Variants in PAOX observed in about 807,000 individuals in gnomAD.
PAOX encodes the protein polyamine oxidase.
PAOX carries 38 observed loss-of-function variants against 39.0 expected under a neutral mutation model. The observed-to-expected ratio is 0.97, with a 90% CI of 0.75 to 1.28. The LOEUF (loss-of-function observed/expected upper bound fraction) is 1.28. Among genes scored for constraint, PAOX ranks in the 50% most tolerant of loss-of-function variants. The pLI is 0.00. For missense variants in PAOX, 667 were observed against 685.7 expected (o/e 0.97, Z 0.30); for synonymous variants, 311 against 314.4 (o/e 0.99, Z 0.11).
intron 6 of PAOX, among the ~76,000 whole-genome samples, chr10:133,390,410 C>CCACACACACACACA (rs59249557): frequency 4.1e-5 from 6 of 145,330 alleles, no homozygotes; most frequent in African/African-American, 1.5e-4. Flanking sequence ...GAGTCGGTCT[C>CCACACACACACACA]CACACACACA....
Position 133,380,223 on chromosome 10 carries a change from G to T in PAOX, c.406G>T (p.Gly136Cys), listed in dbSNP as rs775971773. Residue 136 changes from glycine (G) to cysteine (C), a missense_variant, in exon 2 of 7, where the codon GGC becomes TGC. Transcript: ENST00000278060. The stretch of plus-strand genomic sequence containing the variant: ...GGCGGAGATGGCGACTCTGTTCTAC[G>T]GCCTGATAGACCAGACCCGGGAGTT... The part of the protein sequence containing the change: ...LVAEMATLFY[G>C]LIDQTREFLH... 6.2e-7 allele frequency: 1 copy of T among 1,612,862 alleles called. No individual in the cohort carries two copies. Among genetic ancestry groups the T allele is most frequent in the South Asian group, 1.1e-5 (1 of 91,082 alleles).
chr10:133,387,763 C>G (rs1849565546), intron 4 of PAOX, among the ~76,000 whole-genome samples: 1 of 152,224 alleles, frequency 6.6e-6, no homozygotes, highest in Non-Finnish European at 1.5e-5. Flanking sequence ...CTCTGTCGCC[C>G]AGGCTGGAGA....
chr10:133,383,547 G>A (rs11101729), intron 3 of PAOX, among the ~76,000 whole-genome samples: 9,807 of 150,868 alleles, frequency 0.065, 418 homozygotes, highest in Middle Eastern at 0.13. Flanking sequence ...AGGTTGCAGT[G>A]AGCCAAGATG....
chr10:133,388,872 C>A, intron 4 of PAOX, 84 bp from the exon 5 acceptor site: 1 of 699,316 alleles, frequency 1.4e-6, no homozygotes, highest in Non-Finnish European at 2.7e-6. Flanking sequence ...CCAGGGCTCT[C>A]TTTCTCCATG....
At chr10:133,390,305 C>T (rs570330636) in intron 6 of PAOX, among the ~76,000 whole-genome samples, 6 of 151,766 alleles carry the variant, frequency 4.0e-5, no homozygotes, top group Non-Finnish European at 8.8e-5. Flanking sequence ...ATGCTGAGGG[C>T]AGTGGCTCAC....
chr10:133,381,486 T>G lies in PAOX; in HGVS notation c.695T>G (p.Met232Arg), dbSNP rs1230992853. The change falls in exon 3 of 7, where the codon ATG (methionine) becomes AGG (arginine). Residue 232 changes from methionine (M) to arginine (R), a missense_variant. Coordinates refer to ENST00000278060, the MANE Select transcript of PAOX (RefSeq NM_152911.4). ...SKGYQGLTNCMMAALPEDTVV... is the reference protein window; with the variant it reads ...SKGYQGLTNCRMAALPEDTVV... ...GGCTATCAAGGACTCACAAACTGCA[T>G]GATGGCCGCCCTGCCGGAGGACACT... 1 of 1,613,632 alleles carries G rather than the reference T, an allele frequency of 6.2e-7. No individual in the cohort carries two copies. The highest frequency in any genetic ancestry group is 1.3e-5 in the African/African-American group (1 of 74,938).
chr10:133,380,824 A>G (rs1042532234), intron 2 of PAOX, among the ~76,000 whole-genome samples: 3 of 152,164 alleles, frequency 2.0e-5, no homozygotes, highest in Non-Finnish European at 4.4e-5. Flanking sequence ...CTAAAAATAC[A>G]AAAATTAGCC....
chr10:133,384,044 G>A lies in PAOX; in HGVS notation c.953G>A (p.Gly318Glu), dbSNP rs775293127. 2.5e-6 allele frequency: 4 copies of A among 1,614,068 alleles called. No homozygotes were observed. In the African/African-American group the frequency reaches 5.3e-5, roughly 22 times the overall value. The part of the protein sequence containing the change: ...KAEAIRKIGF[G>E]TNNKIFLEFE... ...GAAGCAATCAGGAAGATAGGCTTTG[G>A]GACCAACAACAAAATCTTCCTGGAG... is the stretch of plus-strand genomic sequence containing the variant. Residue 318 changes from glycine (G) to glutamate (E), a missense_variant, in exon 4 of 7, where the codon GGG becomes GAG. Gly to Glu is a moderately conservative substitution (Grantham distance 98). Transcript: ENST00000278060. The surrounding 1 kb of genome is among the most constrained non-coding windows in gnomAD (Gnocchi z 4.3).
chr10:133,383,563 G>A lies in PAOX; in HGVS notation c.869-397G>A, dbSNP rs537776061. On this transcript the variant is annotated intron_variant, in intron 3 of 6. Coordinates refer to ENST00000278060, the MANE Select transcript of PAOX (RefSeq NM_152911.4). The stretch of plus-strand genomic sequence containing the variant: ...GGTTGCAGTGAGCCAAGATGGCATC[G>A]TTGCATTCCAGCTTGGGCGACAGAG... Among the ~76,000 whole-genome samples, 4 of 146,412 alleles carry A rather than the reference G, an allele frequency of 2.7e-5. No homozygotes were observed. In the East Asian group the frequency reaches 6.1e-4, roughly 22 times the overall value.
At chr10:133,386,161 A>AT (rs764901904) in intron 4 of PAOX, among the ~76,000 whole-genome samples, 1 of 151,624 alleles carries the variant, frequency 6.6e-6, no homozygotes, top group Non-Finnish European at 1.5e-5. Flanking sequence ...AGTAGCTGGG[A>AT]TTATAGGTGT....
chr10:133,384,869 G>T lies in PAOX; in HGVS notation c.1121+657G>T, dbSNP rs2133467434. Among the ~76,000 whole-genome samples the T allele has an allele frequency of 6.6e-6, 1 of 152,332 alleles. No homozygotes were observed. The highest frequency in any genetic ancestry group is 2.1e-4 in the South Asian group (1 of 4,828). ...GTTCTTGTTCTGAAAGACCCGGGAT[G>T]GGGTGGGATGTAGGGCATGCCTGCC... On this transcript the variant is annotated intron_variant, in intron 4 of 6. Transcript: ENST00000278060. The surrounding 1 kb of genome is among the most constrained non-coding windows in gnomAD (Gnocchi z 4.3).
In PAOX at chr10:133,389,643, G is replaced by A. The variant is rs890302796; in HGVS notation, c.1288G>A (p.Ala430Thr). The A allele has an allele frequency of 8.7e-6, 14 of 1,613,270 alleles. No homozygotes were observed. The highest frequency in any genetic ancestry group is 1.7e-5 in the Admixed American group (1 of 59,986). ...KSVLRSRWHSAPYTRGSYSYV... is the reference protein window; with the variant it reads ...KSVLRSRWHSTPYTRGSYSYV... ...CGTCCTGCGGTCTCGCTGGCACAGC[G>A]CCCCGTACACTAGGGGGTCCTACAG... The change falls in exon 6 of 7, where the codon GCC becomes ACC. Residue 430 changes from alanine to threonine, a missense_variant. By Grantham distance (58) the Ala-to-Thr change is moderately conservative. Coordinates refer to ENST00000278060, the MANE Select transcript of PAOX (RefSeq NM_152911.4).
intron 4 of PAOX, among the ~76,000 whole-genome samples, chr10:133,387,970 G>A (rs1849571990): frequency 6.6e-6 from 1 of 152,018 alleles, no homozygotes; most frequent in East Asian, 1.9e-4. Flanking sequence ...GCCCGCCTTG[G>A]CCTCCCAAAG....
rs1849284047 is a variant in PAOX at position 133,379,390 on chromosome 10, G to C, written c.74G>C (p.Gly25Ala). ...CTGGTGGTGGGCGGCGGCATCGCGG[G>C]GCTGGGCGCGGCGCAGAGGCTCTGC... ...RVLVVGGGIA[G>A]LGAAQRLCGH... The change falls in exon 1 of 7, where the codon GGG becomes GCG. Residue 25 changes from glycine (G) to alanine (A), a missense_variant. By Grantham distance (60) the Gly-to-Ala change is moderately conservative. Coordinates refer to ENST00000278060, the MANE Select transcript of PAOX (RefSeq NM_152911.4). 1.6e-6 allele frequency: 2 copies of C among 1,221,580 alleles called. No individual in the cohort carries two copies. Among genetic ancestry groups the C allele is most frequent in the Non-Finnish European group, 2.0e-6 (2 of 981,712 alleles). The allele number at this position is 1,221,580 out of a possible 1,614,324, so 75.7% of individuals were successfully genotyped here.
intron 4 of PAOX, among the ~76,000 whole-genome samples, chr10:133,386,173 T>C (rs2133470160): frequency 6.6e-6 from 1 of 150,560 alleles, no homozygotes; most frequent in South Asian, 2.1e-4. Context: ...TATAGGTGTG[T>C]GCCACCATGC....
Position 133,384,343 on chromosome 10 carries a change from C to T in PAOX, c.1121+131C>T, listed in dbSNP as rs1849480018. The T allele has an allele frequency of 2.4e-5, 33 of 1,377,378 alleles. No individual in the cohort carries two copies. Among genetic ancestry groups the T allele is most frequent in the Non-Finnish European group, 3.1e-5 (32 of 1,016,812 alleles). 85.3% of individuals were successfully genotyped at this position (1,377,378 alleles called of 1,614,324 possible). A position where few individuals can be genotyped will look rare whatever the true frequency, so the allele number is the denominator to read the frequency against. On this transcript the variant is annotated intron_variant, in intron 4 of 6. Transcript: ENST00000278060. This position sits in a 1 kb window ranked among gnomAD's most constrained non-coding sequence, Gnocchi z 4.3. ...TTAATGGGTAGGGTTCCCATGAGCG[C>T]CCCCCCACCAGGTGCTGGCTGCACC...
At chr10:133,389,128 C>A in intron 5 of PAOX, 60 bp downstream of exon 5, 2 of 1,347,732 alleles carry the variant, frequency 1.5e-6, no homozygotes, top group Non-Finnish European at 2.1e-6. Context: ...GATCTCTAAA[C>A]AGAAACTAGA....
chr10:133,389,460 C>G, intron 5 of PAOX, 130 bp from the exon 6 acceptor site: 1 of 1,351,172 alleles, frequency 7.4e-7, no homozygotes, highest in Non-Finnish European at 1.0e-6. Flanking sequence ...TCCTGACACA[C>G]TCTGCTGCTC....
chr10:133,388,573 G>A (rs1051360718), intron 4 of PAOX, among the ~76,000 whole-genome samples: 5 of 152,250 alleles, frequency 3.3e-5, no homozygotes, highest in African/African-American at 1.2e-4. Context: ...CGGTTTACCT[G>A]CCCTGGCTCT....
Sources: allele counts gnomAD v4.1 joint callset (sites outside exome capture counted in the v4.1 genomes callset), GRCh38; gene constraint gnomAD v4.1.1; non-coding constraint Gnocchi (gnomAD v3.1); transcripts MANE v1.5; gene names NCBI Gene and HGNC (gene_info 2026-07-23, HGNC 2026-07-21).